The following CHN2 variants were observed in gnomAD, a reference collection of about 807,000 sequenced individuals.
CHN2 encodes the protein chimerin 2.
In CHN2, 35 loss-of-function variants were observed where a neutral mutation model predicts 56.3. That is an observed-to-expected ratio of 0.62 (90% confidence interval 0.47 to 0.82). CHN2 has a LOEUF of 0.82. CHN2 is among the 40% of genes least tolerant of loss of function. The pLI, the probability that CHN2 is intolerant of heterozygous loss-of-function variation, is 0.00. For missense variants in CHN2, 491 were observed against 580.5 expected (o/e 0.85, Z 1.58); for synonymous variants, 210 against 212.8 (o/e 0.99, Z 0.12).
At chr7:29,235,894 G>A (rs1459364194) in intron 1 of CHN2, among the ~76,000 whole-genome samples, 1 of 152,188 alleles carries the variant, frequency 6.6e-6, no homozygotes, top group Non-Finnish European at 1.5e-5. Flanking sequence ...AAGGTGGAGG[G>A]TGGGAGGAGG....
chr7:29,318,992 G>A (rs931264388), intron 1 of CHN2, among the ~76,000 whole-genome samples: 4 of 152,162 alleles, frequency 2.6e-5, no homozygotes, highest in Non-Finnish European at 5.9e-5. Flanking sequence ...AGTGCACACC[G>A]CAAGCTGACT....
At chr7:29,168,361 TG>T (rs1796173493) in intron 2 of CHN2, among the ~76,000 whole-genome samples, 1 of 152,240 alleles carries the variant, frequency 6.6e-6, no homozygotes, top group African/African-American at 2.4e-5. Flanking sequence ...TTTCTTTTAA[TG>T]GTTCTTAAAT....
chr7:29,231,690 G>T (rs1044315719), intron 1 of CHN2, among the ~76,000 whole-genome samples: 2 of 152,280 alleles, frequency 1.3e-5, no homozygotes. Flanking sequence ...TTTCTTTTGG[G>T]ACCAAATTAT....
chr7:29,385,967 C>T (rs1022040962), intron 3 of CHN2, among the ~76,000 whole-genome samples: 7 of 152,106 alleles, frequency 4.6e-5, no homozygotes, highest in East Asian at 1.9e-4. Context: ...CTTAGCAAAG[C>T]AATTGGTCAC....
At chr7:29,472,859 GT>G (rs1265802056) in intron 6 of CHN2, among the ~76,000 whole-genome samples, 1 of 152,240 alleles carries the variant, frequency 6.6e-6, no homozygotes, top group Non-Finnish European at 1.5e-5. Context: ...CTTTGTGTCA[GT>G]GGGCTGTGGG....
At chr7:29,299,491 A>T (rs1793470503) in intron 1 of CHN2, among the ~76,000 whole-genome samples, 1 of 152,126 alleles carries the variant, frequency 6.6e-6, no homozygotes, top group Non-Finnish European at 1.5e-5. Flanking sequence ...TGCTCACTGT[A>T]TCCAGCAACA....
At chr7:29,361,716 G>A (rs955898700) in intron 2 of CHN2, among the ~76,000 whole-genome samples, 3 of 152,136 alleles carry the variant, frequency 2.0e-5, no homozygotes, top group African/African-American at 7.2e-5. Flanking sequence ...TTAGCCTGTT[G>A]ACATAGGAGA....
intron 3 of CHN2, among the ~76,000 whole-genome samples, chr7:29,382,235 C>G (rs1192679289): frequency 1.3e-5 from 2 of 152,328 alleles, no homozygotes; most frequent in African/African-American, 4.8e-5. Flanking sequence ...GGTTTCTACT[C>G]AAGTCTCAAA....
chr7:29,346,088 A>C (rs991365338), intron 1 of CHN2, among the ~76,000 whole-genome samples: 4 of 152,156 alleles, frequency 2.6e-5, no homozygotes, highest in Non-Finnish European at 5.9e-5. Context: ...AACCAGCATT[A>C]GCAAGCAAGG....
At chr7:29,398,244 AC>A in intron 4 of CHN2, 128 bp from the exon 5 acceptor site, 1 of 654,018 alleles carries the variant, frequency 1.5e-6, no homozygotes, top group Non-Finnish European at 2.7e-6. Context: ...GGCAGTAGTC[AC>A]CCCCCTTCTT....
At chr7:29,480,214 G>A (rs1178978665) in intron 6 of CHN2, 65 bp from the exon 7 acceptor site, 9 of 1,613,848 alleles carry the variant, frequency 5.6e-6, no homozygotes, top group Non-Finnish European at 7.6e-6. Context: ...GTAGCCTTCG[G>A]GGTGAAGGTG....
intron 1 of CHN2, among the ~76,000 whole-genome samples, chr7:29,274,141 G>A (rs952448791): frequency 2.0e-5 from 3 of 152,040 alleles, no homozygotes; most frequent in Non-Finnish European, 4.4e-5. Flanking sequence ...ACGAACATTC[G>A]GGAAAGCATC....
chr7:29,499,022 A>G (rs1323840929), intron 8 of CHN2, among the ~76,000 whole-genome samples: 1 of 152,052 alleles, frequency 6.6e-6, no homozygotes, highest in African/African-American at 2.4e-5. Flanking sequence ...GGCCTCCCAA[A>G]GTGCTGGGAT....
intron 9 of CHN2, among the ~76,000 whole-genome samples, chr7:29,504,466 G>A (rs1790339371): frequency 1.3e-5 from 2 of 152,156 alleles, no homozygotes; most frequent in Admixed American, 1.3e-4. Context: ...AACGGTCCAT[G>A]GGAATCTTAA....
At chr7:29,267,400 AC>A (rs1790239327) in intron 1 of CHN2, among the ~76,000 whole-genome samples, 3 of 151,678 alleles carry the variant, frequency 2.0e-5, no homozygotes, top group Non-Finnish European at 4.4e-5. Context: ...CTGCCACCAC[AC>A]CTGGCTAATT....
At chr7:29,290,192 G>C (rs1040456165) in intron 1 of CHN2, among the ~76,000 whole-genome samples, 1 of 152,144 alleles carries the variant, frequency 6.6e-6, no homozygotes, top group African/African-American at 2.4e-5. Flanking sequence ...CTGCATTCAC[G>C]TTCTTTTTCT....
chr7:29,386,396 C>T (rs1322752325), intron 3 of CHN2, among the ~76,000 whole-genome samples: 4 of 152,094 alleles, frequency 2.6e-5, no homozygotes, highest in Non-Finnish European at 4.4e-5. Context: ...ATCTAGCTGC[C>T]CTGTGTAGGA....
chr7:29,293,109 A>G (rs1483210483), intron 1 of CHN2: 1 of 428,182 alleles, frequency 2.3e-6, no homozygotes, highest in African/African-American at 2.0e-5. Flanking sequence ...GATTGGCAGC[A>G]CTCGTTTGCA....
chr7:29,339,655 C>T (rs1040858767), intron 1 of CHN2, among the ~76,000 whole-genome samples: 2 of 152,070 alleles, frequency 1.3e-5, no homozygotes, highest in Non-Finnish European at 1.5e-5. Context: ...GAGTTCAAGA[C>T]CAACCTGGCC....
Sources: allele counts gnomAD v4.1 joint callset (sites outside exome capture counted in the v4.1 genomes callset), GRCh38; gene constraint gnomAD v4.1.1; transcripts MANE v1.5; gene names NCBI Gene and HGNC (gene_info 2026-07-23, HGNC 2026-07-21).